Variants in SLC24A2 observed in about 807,000 individuals in gnomAD.
SLC24A2 encodes solute carrier family 24 member 2.
A neutral mutation model predicts 62.0 loss-of-function variants in SLC24A2; 36 were observed. That is an observed-to-expected ratio of 0.58 (90% CI 0.44 to 0.77). The LOEUF (loss-of-function observed/expected upper bound fraction) is 0.77. Ranked by LOEUF, SLC24A2 falls within the 30% of genes least tolerant of loss-of-function variation. The pLI is 0.00. For synonymous variants in SLC24A2, 358 were observed against 294.0 expected, an observed-to-expected ratio of 1.22 and a Z score of -2.23; for missense variants, 846 against 817.9, an observed-to-expected ratio of 1.03 and a Z score of -0.42.
chr9:19,941,763 C>G, the SLC24A2 span, among the ~76,000 whole-genome samples: 1 of 152,136 alleles, frequency 6.6e-6, no homozygotes, highest in Non-Finnish European at 1.5e-5. Flanking sequence ...GTAAATAACA[C>G]GATACTGGAT....
chr9:19,977,438 C>G, the SLC24A2 span, among the ~76,000 whole-genome samples: 2 of 151,954 alleles, frequency 1.3e-5, no homozygotes, highest in African/African-American at 4.8e-5. Flanking sequence ...CTTGAGATAG[C>G]TGATTGATGA....
the SLC24A2 span, among the ~76,000 whole-genome samples, chr9:20,164,539 C>G: frequency 6.7e-6 from 1 of 150,052 alleles, no homozygotes. Context: ...GTTGGTGGGA[C>G]TGTAAACTAG....
At chr9:20,055,966 G>C in the SLC24A2 span, among the ~76,000 whole-genome samples, 2 of 152,020 alleles carry the variant, frequency 1.3e-5, no homozygotes, top group East Asian at 1.9e-4. Flanking sequence ...CCACTATACA[G>C]CTATGCTATG....
At chr9:19,593,059 G>C (rs1836603099) in intron 5 of SLC24A2, among the ~76,000 whole-genome samples, 1 of 152,246 alleles carries the variant, frequency 6.6e-6, no homozygotes, top group Non-Finnish European at 1.5e-5. Context: ...TAGTACAGGT[G>C]GCAGGTAAGA....
the SLC24A2 span, among the ~76,000 whole-genome samples, chr9:20,252,334 T>A: frequency 2.5e-4 from 38 of 152,334 alleles, no homozygotes; most frequent in Middle Eastern, 3.4e-3. Flanking sequence ...CAATGATATT[T>A]CATGTATTCG....
the SLC24A2 span, among the ~76,000 whole-genome samples, chr9:19,876,945 G>C: frequency 6.6e-6 from 1 of 151,970 alleles, no homozygotes; most frequent in Non-Finnish European, 1.5e-5. Flanking sequence ...TTCTTCATTA[G>C]GAGAAATATT....
the SLC24A2 span, among the ~76,000 whole-genome samples, chr9:20,011,420 G>A: frequency 6.6e-6 from 1 of 152,124 alleles, no homozygotes; most frequent in African/African-American, 2.4e-5. Flanking sequence ...TTTGAGAAGT[G>A]TCTCAAAAGA....
the SLC24A2 span, among the ~76,000 whole-genome samples, chr9:20,185,264 T>G: frequency 6.6e-6 from 1 of 152,204 alleles, no homozygotes; most frequent in African/African-American, 2.4e-5. Flanking sequence ...AATGCATATG[T>G]TAATTAGCTT....
chr9:19,833,630 T>G, the SLC24A2 span, among the ~76,000 whole-genome samples: 17 of 152,354 alleles, frequency 1.1e-4, no homozygotes, highest in East Asian at 3.1e-3. Context: ...TGTCTGCCTC[T>G]GTAGGCTCCA....
chr9:19,557,393 G>A (rs533059385), intron 7 of SLC24A2, among the ~76,000 whole-genome samples: 35 of 152,208 alleles, frequency 2.3e-4, no homozygotes, highest in Non-Finnish European at 3.7e-4. Context: ...AAGCTTTGGG[G>A]AAGAATGAGC....
At chr9:19,580,381 G>A (rs1836166096) in intron 5 of SLC24A2, among the ~76,000 whole-genome samples, 1 of 152,222 alleles carries the variant, frequency 6.6e-6, no homozygotes, top group Admixed American at 6.5e-5. Flanking sequence ...TCAGGGTGGT[G>A]GGGCAGAGCC....
At chr9:19,590,274 A>C (rs1836511146) in intron 5 of SLC24A2, among the ~76,000 whole-genome samples, 1 of 152,182 alleles carries the variant, frequency 6.6e-6, no homozygotes, top group Non-Finnish European at 1.5e-5. Flanking sequence ...CCTCATATCC[A>C]GATGGCCCTG....
intron 9 of SLC24A2, among the ~76,000 whole-genome samples, chr9:19,527,124 T>A (rs551693014): frequency 6.6e-6 from 1 of 152,346 alleles, no homozygotes; most frequent in Non-Finnish European, 1.5e-5. Context: ...TCAGTATATA[T>A]TTCCTTATTT....
chr9:19,659,372 G>A (rs1472444780), intron 2 of SLC24A2, among the ~76,000 whole-genome samples: 2 of 152,114 alleles, frequency 1.3e-5, no homozygotes, highest in African/African-American at 2.4e-5. Context: ...GTTTTAAGCC[G>A]TTCAGTTTGT....
intron 2 of SLC24A2, among the ~76,000 whole-genome samples, chr9:19,764,965 A>G (rs2118868887): frequency 6.6e-6 from 1 of 152,286 alleles, no homozygotes; most frequent in South Asian, 2.1e-4. Flanking sequence ...TTGCTTTATG[A>G]ATCTGGGTGC....
the SLC24A2 span, among the ~76,000 whole-genome samples, chr9:20,177,806 A>G: frequency 6.6e-6 from 1 of 152,160 alleles, no homozygotes; most frequent in Non-Finnish European, 1.5e-5. Context: ...TATTTACACT[A>G]TTATGTAAAT....
chr9:20,053,990 C>G, the SLC24A2 span, among the ~76,000 whole-genome samples: 2 of 152,148 alleles, frequency 1.3e-5, no homozygotes, highest in African/African-American at 2.4e-5. Flanking sequence ...TGACTTTTAT[C>G]CATTGTCCTG....
the SLC24A2 span, among the ~76,000 whole-genome samples, chr9:20,205,833 G>A: frequency 6.9e-3 from 1,055 of 152,132 alleles, 12 homozygotes; most frequent in African/African-American, 0.023. Context: ...CTAGAATTTT[G>A]GAAAACTCAT....
At chr9:19,534,809 C>T (rs966016317) in intron 8 of SLC24A2, among the ~76,000 whole-genome samples, 1 of 152,088 alleles carries the variant, frequency 6.6e-6, no homozygotes, top group Non-Finnish European at 1.5e-5. Context: ...AATAGTGCCA[C>T]AATAAACATA....
Sources: gnomAD v4.1 joint callset for allele counts (sites outside exome capture counted in the v4.1 genomes callset) on GRCh38, gnomAD v4.1.1 for gene constraint, MANE v1.5 for transcripts, NCBI Gene and HGNC (gene_info 2026-07-23, HGNC 2026-07-21) for gene names.